The following DPYD variants were observed in gnomAD, a reference collection of about 807,000 sequenced individuals.
DPYD encodes dihydropyrimidine dehydrogenase.
DPYD carries 109 observed loss-of-function variants against 116.2 expected under a neutral mutation model. The observed-to-expected ratio is 0.94, with a 90% CI of 0.80 to 1.10. The LOEUF (loss-of-function observed/expected upper bound fraction) is 1.10, where lower values mean the gene tolerates loss of function less well. DPYD is among the 50% of genes least tolerant of loss of function. DPYD has a pLI of 0.00. For synonymous variants in DPYD, 440 were observed against 432.0 expected, an observed-to-expected ratio of 1.02 and a Z score of -0.23; for missense variants, 1,302 against 1,254.5, an observed-to-expected ratio of 1.04 and a Z score of -0.57.
intron 19 of DPYD, among the ~76,000 whole-genome samples, chr1:97,234,490 T>C (rs141692067): frequency 6.6e-6 from 1 of 152,306 alleles, no homozygotes; most frequent in East Asian, 1.9e-4. Context: ...TAGATTTTCA[T>C]ACCCTTGATT....
At chr1:97,120,895 G>A (rs116263676) in intron 20 of DPYD, among the ~76,000 whole-genome samples, 34 of 152,302 alleles carry the variant, frequency 2.2e-4, no homozygotes, top group Non-Finnish European at 4.3e-4. Context: ...AATGCCAAGT[G>A]TCTAAGTATG....
intron 8 of DPYD, among the ~76,000 whole-genome samples, chr1:97,616,854 T>G (rs2100760611): frequency 6.6e-6 from 1 of 152,240 alleles, no homozygotes; most frequent in Non-Finnish European, 1.5e-5. Flanking sequence ...ATTATTAGAG[T>G]AGTGATTTCT....
chr1:97,681,718 GA>G (rs35967105), intron 7 of DPYD, among the ~76,000 whole-genome samples: 1 of 151,848 alleles, frequency 6.6e-6, no homozygotes, highest in Non-Finnish European at 1.5e-5. Context: ...ATATTTTATT[GA>G]AAAAGAAAAA....
chr1:97,113,100 C>T (rs1198056723), intron 20 of DPYD, among the ~76,000 whole-genome samples: 1 of 152,146 alleles, frequency 6.6e-6, no homozygotes, highest in Non-Finnish European at 1.5e-5. Flanking sequence ...GCCTTTTTAA[C>T]ACATGTGACT....
intron 3 of DPYD, among the ~76,000 whole-genome samples, chr1:97,804,740 T>G (rs1212899005): frequency 6.6e-6 from 1 of 151,800 alleles, no homozygotes; most frequent in African/African-American, 2.4e-5. Flanking sequence ...GTTTAAGTGG[T>G]CACATAAAAA....
intron 3 of DPYD, among the ~76,000 whole-genome samples, chr1:97,816,287 A>G (rs894764221): frequency 8.1e-5 from 12 of 148,002 alleles, no homozygotes; most frequent in African/African-American, 3.0e-4. Flanking sequence ...AAAAAAAGAG[A>G]AAAAAAAAAG....
intron 8 of DPYD, among the ~76,000 whole-genome samples, chr1:97,658,711 C>T (rs947144121): frequency 2.0e-5 from 3 of 152,100 alleles, no homozygotes; most frequent in Non-Finnish European, 4.4e-5. Flanking sequence ...TCATCATCTA[C>T]CCAGAAAGCC....
At chr1:97,838,459 T>C (rs1052409164) in intron 2 of DPYD, among the ~76,000 whole-genome samples, 1 of 152,242 alleles carries the variant, frequency 6.6e-6, no homozygotes, top group African/African-American at 2.4e-5. Flanking sequence ...TCATCAACTG[T>C]AATCAACAGA....
intron 20 of DPYD, among the ~76,000 whole-genome samples, chr1:97,152,925 T>A (rs1371646639): frequency 6.6e-6 from 1 of 152,094 alleles, no homozygotes; most frequent in African/African-American, 2.4e-5. Flanking sequence ...AATTTAGAAA[T>A]CCCTTCTCAT....
chr1:97,638,823 C>A (rs1657717321), intron 8 of DPYD, among the ~76,000 whole-genome samples: 1 of 152,060 alleles, frequency 6.6e-6, no homozygotes, highest in Non-Finnish European at 1.5e-5. Context: ...TGAGAACTCA[C>A]TCAATGCAAG....
intron 10 of DPYD, among the ~76,000 whole-genome samples, chr1:97,590,658 C>T (rs1224613902): frequency 1.3e-5 from 2 of 152,192 alleles, no homozygotes; most frequent in Admixed American, 6.5e-5. Context: ...CTACTGCAGG[C>T]AGGTTACCTA....
intron 1 of DPYD, among the ~76,000 whole-genome samples, chr1:97,901,241 C>T (rs1016046633): frequency 2.0e-5 from 3 of 151,822 alleles, no homozygotes; most frequent in South Asian, 4.1e-4. Context: ...TTATTCACTA[C>T]TCTGTACTTC....
intron 11 of DPYD, among the ~76,000 whole-genome samples, chr1:97,568,878 C>T (rs1652709103): frequency 6.6e-6 from 1 of 152,012 alleles, no homozygotes; most frequent in Non-Finnish European, 1.5e-5. Flanking sequence ...TAAAGGTGCA[C>T]TCCTTGCTCT....
chr1:97,122,168 GTTTGC>G (rs1652494142), intron 20 of DPYD, among the ~76,000 whole-genome samples: 1 of 152,150 alleles, frequency 6.6e-6, no homozygotes. Flanking sequence ...CTTTGTAGAT[GTTTGC>G]TGGAGTACGG....
intron 13 of DPYD, among the ~76,000 whole-genome samples, chr1:97,474,299 G>T (rs890585318): frequency 1.2e-4 from 18 of 152,002 alleles, no homozygotes; most frequent in Non-Finnish European, 2.2e-4. Flanking sequence ...TTAACACAAT[G>T]AAATGTAAAT....
chr1:97,383,491 A>T (rs1302565509), intron 14 of DPYD, among the ~76,000 whole-genome samples: 1 of 130,358 alleles, frequency 7.7e-6, no homozygotes, highest in Non-Finnish European at 1.6e-5. Context: ...AAAAAAAAGA[A>T]AAAAAGAAAA....
rs146681767 is a variant in DPYD at position 97,652,863 on chromosome 1, A to G, written c.850+26232T>C. On this transcript the variant is annotated intron_variant, in intron 8 of 22. Transcript: ENST00000370192. ...TATTTGTCTCCTACCCTCATGTCCT[A>G]TCTACTGTTATTTACTCTCTGCCTC... is the stretch of plus-strand genomic sequence containing the variant. 5.5e-3 allele frequency among the ~76,000 whole-genome samples: 836 copies of G among 152,218 alleles called. 4 individuals are homozygous for G. The highest frequency in any genetic ancestry group is 8.7e-3 in the Non-Finnish European group (594 of 68,006).
chr1:97,136,617 G>A (rs1300329409), intron 20 of DPYD, among the ~76,000 whole-genome samples: 1 of 152,096 alleles, frequency 6.6e-6, no homozygotes, highest in African/African-American at 2.4e-5. Context: ...CATCAAAGCA[G>A]GAATGATATT....
At chr1:97,752,848 C>T (rs1665007433) in intron 3 of DPYD, among the ~76,000 whole-genome samples, 1 of 152,158 alleles carries the variant, frequency 6.6e-6, no homozygotes, top group South Asian at 2.1e-4. Flanking sequence ...CTATTTCCTC[C>T]TCCAGTGAGA....
Sources: allele counts gnomAD v4.1 joint callset (sites outside exome capture counted in the v4.1 genomes callset), GRCh38; gene constraint gnomAD v4.1.1; transcripts MANE v1.5; gene names NCBI Gene and HGNC (gene_info 2026-07-23, HGNC 2026-07-21).